The following AP4E1 variants were observed in gnomAD, a reference collection of about 807,000 sequenced individuals.
AP4E1 encodes the protein adaptor related protein complex 4 subunit epsilon 1.
AP4E1 carries 56 observed loss-of-function variants against 128.2 expected under a neutral mutation model. That is an observed-to-expected ratio of 0.44 (90% CI 0.35 to 0.55). AP4E1 has a LOEUF of 0.55. Ranked by LOEUF, AP4E1 falls within the 20% of genes least tolerant of loss-of-function variation. AP4E1 has a pLI of 0.00. For missense variants in AP4E1, 1,324 were observed against 1,307.7 expected, an observed-to-expected ratio of 1.01 and a Z score of -0.19; for synonymous variants, 484 against 473.1, an observed-to-expected ratio of 1.02 and a Z score of -0.30.
intron 8 of AP4E1, among the ~76,000 whole-genome samples, chr15:50,935,734 T>C (rs1041073444): frequency 3.9e-5 from 6 of 152,148 alleles, no homozygotes; most frequent in African/African-American, 1.4e-4. Flanking sequence ...ACAATGGTTG[T>C]AGAAATGTAG....
intron 11 of AP4E1, 59 bp from the exon 12 acceptor site, chr15:50,949,767 G>A (rs2064118923): frequency 7.8e-7 from 1 of 1,287,812 alleles, no homozygotes; most frequent in South Asian, 1.2e-5. Context: ...GATTGCTACA[G>A]AAGGGTAATT....
intron 3 of AP4E1, among the ~76,000 whole-genome samples, chr15:50,917,837 T>C (rs1449887594): frequency 6.6e-6 from 1 of 152,178 alleles, no homozygotes; most frequent in Non-Finnish European, 1.5e-5. Flanking sequence ...CAGTGGCTCA[T>C]GCGTGTAATC....
At chr15:50,951,907 A>G (rs983737498) in intron 13 of AP4E1, among the ~76,000 whole-genome samples, 1 of 151,814 alleles carries the variant, frequency 6.6e-6, no homozygotes, top group African/African-American at 2.4e-5. Context: ...TTGTATTTTT[A>G]GCAGAGATGG....
At chr15:50,908,514 G>C, upstream of AP4E1, 1 of 394,522 alleles carries the variant, frequency 2.5e-6, no homozygotes, top group Non-Finnish European at 4.4e-6. Flanking sequence ...GGGGATTCCG[G>C]AACCGCTACC....
At chr15:50,925,313 A>G (rs1377671831) in intron 5 of AP4E1, 94 bp downstream of exon 5, 5 of 1,331,748 alleles carry the variant, frequency 3.8e-6, no homozygotes, top group East Asian at 2.4e-5. Flanking sequence ...TGCTACCAGG[A>G]TAGAGATTAT....
At chr15:51,002,379 C>T in intron 20 of AP4E1, 123 bp from the exon 21 acceptor site, 1 of 1,010,150 alleles carries the variant, frequency 9.9e-7, no homozygotes, top group Non-Finnish European at 1.5e-6. Flanking sequence ...TTGCAGTCTC[C>T]TTAGTGGTTA....
upstream of AP4E1, among the ~76,000 whole-genome samples, chr15:50,908,124 G>A (rs1596446297): frequency 6.6e-6 from 1 of 152,344 alleles, no homozygotes; most frequent in African/African-American, 2.4e-5. Flanking sequence ...CAGGAGAAGA[G>A]GGGCGGACGG....
intron 3 of AP4E1, among the ~76,000 whole-genome samples, chr15:50,922,967 C>G (rs770588898): frequency 1.3e-5 from 2 of 151,860 alleles, no homozygotes; most frequent in African/African-American, 4.8e-5. Flanking sequence ...TTAGTAGAGA[C>G]GGGGTTTCAC....
chr15:50,972,680 T>G (rs2064496997), intron 15 of AP4E1, among the ~76,000 whole-genome samples: 1 of 152,236 alleles, frequency 6.6e-6, no homozygotes, highest in South Asian at 2.1e-4. Context: ...ACTTGGGTTC[T>G]GGCTTACTGA....
chr15:50,908,710 G>C lies in AP4E1; in HGVS notation c.-69G>C. 1 of 1,397,310 alleles carries C rather than the reference G, an allele frequency of 7.2e-7. No individual in the cohort carries two copies. The highest frequency in any genetic ancestry group is 1.7e-5 in the South Asian group (1 of 59,928). 86.6% of individuals were successfully genotyped at this position (1,397,310 alleles called of 1,614,324 possible). A position where few individuals can be genotyped will look rare whatever the true frequency, so the allele number is the denominator to read the frequency against. On this transcript the variant is annotated 5_prime_UTR_variant, in exon 1 of 21. Coordinates refer to ENST00000261842, the MANE Select transcript of AP4E1 (RefSeq NM_007347.5). The stretch of plus-strand genomic sequence containing the variant: ...TGCCTACGGAGGCCGGGCCGGCAGC[G>C]GCGGCCGGGCATGAAGCCGGGCGGC...
chr15:50,966,561 A>G (rs1056312054), intron 14 of AP4E1, among the ~76,000 whole-genome samples: 4 of 132,914 alleles, frequency 3.0e-5, no homozygotes, highest in Admixed American at 1.6e-4. Context: ...TTTGAGATGA[A>G]GTTTCACTCT....
chr15:50,945,039 G>C (rs557777643), intron 10 of AP4E1: 4 of 776,578 alleles, frequency 5.2e-6, no homozygotes, highest in Admixed American at 1.7e-5. Context: ...TTTTTTCACC[G>C]TTGGTGGTGA....
intron 16 of AP4E1, among the ~76,000 whole-genome samples, chr15:50,991,962 CTTT>C (rs61161776): frequency 4.4e-4 from 56 of 126,496 alleles, no homozygotes; most frequent in Non-Finnish European, 4.1e-4. Context: ...ACACATAGTT[CTTT>C]TTTTTTTTTT....
intron 15 of AP4E1, among the ~76,000 whole-genome samples, chr15:50,980,299 GC>G (rs1349710124): frequency 5.3e-5 from 8 of 152,184 alleles, no homozygotes; most frequent in Admixed American, 1.3e-4. Flanking sequence ...GTCTCTTCAT[GC>G]CTGAGGGCTT....
chr15:50,915,920 A>G (rs750818534), intron 3 of AP4E1: 1 of 226,662 alleles, frequency 4.4e-6, no homozygotes, highest in Non-Finnish European at 8.7e-6. Flanking sequence ...ATATGTCTAT[A>G]AAGAGCTCTT....
At chr15:50,970,256 A>G (rs756795590) in intron 15 of AP4E1, among the ~76,000 whole-genome samples, 1 of 152,230 alleles carries the variant, frequency 6.6e-6, no homozygotes, top group Non-Finnish European at 1.5e-5. Context: ...CCATGTTGCC[A>G]TGAATGACAG....
intron 1 of AP4E1, among the ~76,000 whole-genome samples, chr15:50,909,205 C>G (rs929181213): frequency 6.6e-6 from 1 of 152,202 alleles, no homozygotes; most frequent in African/African-American, 2.4e-5. Context: ...GTTTTCTCAA[C>G]GTTGTGGTGG....
chr15:51,001,618 C>T (rs1191499163), intron 20 of AP4E1, among the ~76,000 whole-genome samples: 2 of 152,144 alleles, frequency 1.3e-5, no homozygotes, highest in Non-Finnish European at 2.9e-5. Flanking sequence ...CAATACTTGT[C>T]CCTTTGTATC....
At chr15:50,961,158 A>G (rs1019318749) in intron 14 of AP4E1, among the ~76,000 whole-genome samples, 13 of 152,066 alleles carry the variant, frequency 8.5e-5, no homozygotes, top group African/African-American at 3.1e-4. Context: ...TGGCTTTACA[A>G]ATGAATTCTG....
Sources: allele counts gnomAD v4.1 joint callset (sites outside exome capture counted in the v4.1 genomes callset), GRCh38; gene constraint gnomAD v4.1.1; transcripts MANE v1.5; gene names NCBI Gene and HGNC (gene_info 2026-07-23, HGNC 2026-07-21).